Variants in FGF12 observed in about 807,000 individuals in gnomAD.
FGF12 encodes fibroblast growth factor 12.
FGF12 carries 14 observed loss-of-function variants against 23.6 expected under a neutral mutation model. The ratio of observed to expected loss-of-function variants is 0.59; its 90% confidence interval spans 0.39 to 0.93. The LOEUF is 0.93. Among genes scored for constraint, FGF12 ranks in the 40% least tolerant of loss-of-function variants. The probability of loss-of-function intolerance (pLI) is 0.00; values close to 1 mark genes in which losing one functional copy is unlikely to be tolerated. For synonymous variants in FGF12, 62 were observed against 77.3 expected (o/e 0.80, Z 1.04); for missense variants, 175 against 217.8 (o/e 0.80, Z 1.24).
At chr3:192,725,361 T>C (rs923795606) in intron 2 of FGF12, among the ~76,000 whole-genome samples, 1 of 152,026 alleles carries the variant, frequency 6.6e-6, no homozygotes, top group East Asian at 1.9e-4. Context: ...AAAGTCTTCG[T>C]TGCCTTTGGA....
intron 2 of FGF12, among the ~76,000 whole-genome samples, chr3:192,468,009 G>T (rs1328734997): frequency 6.6e-6 from 1 of 152,134 alleles, no homozygotes; most frequent in African/African-American, 2.4e-5. Flanking sequence ...CTTGGACCAG[G>T]GTTCACCAAG....
At chr3:192,485,040 T>A (rs1289576819) in intron 2 of FGF12, among the ~76,000 whole-genome samples, 2 of 148,666 alleles carry the variant, frequency 1.3e-5, no homozygotes, top group Admixed American at 6.6e-5. Flanking sequence ...ACATAAATTT[T>A]AAAATTTTAA....
chr3:192,632,558 G>C (rs1457104098), intron 2 of FGF12, among the ~76,000 whole-genome samples: 1 of 152,198 alleles, frequency 6.6e-6, no homozygotes, highest in Non-Finnish European at 1.5e-5. Flanking sequence ...CACAGTTAAT[G>C]CTCAGTAATG....
chr3:192,557,309 GA>G (rs1299697267), intron 2 of FGF12, among the ~76,000 whole-genome samples: 1 of 149,706 alleles, frequency 6.7e-6, no homozygotes, highest in African/African-American at 2.4e-5. Flanking sequence ...GCCAGAGTAT[GA>G]AAAAAACAGA....
chr3:192,615,870 A>G (rs990621832), intron 2 of FGF12, among the ~76,000 whole-genome samples: 2 of 152,030 alleles, frequency 1.3e-5, no homozygotes, highest in Non-Finnish European at 2.9e-5. Context: ...GTCAATAACC[A>G]TACTCATGTA....
intron 2 of FGF12, among the ~76,000 whole-genome samples, chr3:192,668,384 A>G (rs942273744): frequency 5.3e-5 from 8 of 152,202 alleles, no homozygotes; most frequent in African/African-American, 1.9e-4. Context: ...GGAATATTCA[A>G]TGGGGGACAA....
intron 2 of FGF12, among the ~76,000 whole-genome samples, chr3:192,611,948 C>G (rs1233072016): frequency 6.6e-6 from 1 of 152,004 alleles, no homozygotes; most frequent in Non-Finnish European, 1.5e-5. Flanking sequence ...TCTCTCTGCA[C>G]TCAAGTGAGT....
At chr3:192,388,901 G>A (rs1388245418) in intron 2 of FGF12, among the ~76,000 whole-genome samples, 1 of 151,748 alleles carries the variant, frequency 6.6e-6, no homozygotes, top group African/African-American at 2.4e-5. Flanking sequence ...AATATAAAGT[G>A]GTGCCAAAAT....
chr3:192,267,982 C>G (rs1300401444), intron 4 of FGF12, among the ~76,000 whole-genome samples: 1 of 152,118 alleles, frequency 6.6e-6, no homozygotes, highest in African/African-American at 2.4e-5. Context: ...TTGTAAGAAT[C>G]CTTTCTGTTT....
At chr3:192,367,917 G>A (rs6444635) in intron 2 of FGF12, among the ~76,000 whole-genome samples, 12,490 of 152,224 alleles carry the variant, frequency 0.082, 935 homozygotes, top group African/African-American at 0.19. Context: ...AACCCCAAAA[G>A]TGCTGATATT....
intron 4 of FGF12, among the ~76,000 whole-genome samples, chr3:192,328,355 A>G (rs142085414): frequency 2.6e-3 from 395 of 152,344 alleles, no homozygotes; most frequent in Admixed American, 7.0e-3. Flanking sequence ...ATGCGCAATG[A>G]ATGAATCCTG....
In FGF12 at chr3:192,198,117, G is replaced by T. The variant is rs1717173173; in HGVS notation, c.229-27461C>A. 3.3e-5 allele frequency among the ~76,000 whole-genome samples: 5 copies of T among 151,758 alleles called. No individual in the cohort carries two copies. The South Asian group carries it at 8.3e-4, about 25-fold the overall frequency. On this transcript the variant is annotated intron_variant, in intron 4 of 5. Coordinates refer to ENST00000445105, the MANE Select transcript of FGF12 (RefSeq NM_004113.6). ...TTTGAATAAAAGAAAGACCCCAAAG[G>T]ATCCAGAACGGTGCATCCATTCTAA...
At chr3:192,404,105 T>G (rs1290575648) in intron 2 of FGF12, among the ~76,000 whole-genome samples, 2 of 152,180 alleles carry the variant, frequency 1.3e-5, no homozygotes, top group Admixed American at 6.5e-5. Flanking sequence ...AATCTTTAAA[T>G]TGTAAAAAAA....
At chr3:192,451,276 T>A (rs1328835013) in intron 2 of FGF12, among the ~76,000 whole-genome samples, 1 of 152,204 alleles carries the variant, frequency 6.6e-6, no homozygotes, top group African/African-American at 2.4e-5. Context: ...AGAATCCAAG[T>A]CTCCTGACTT....
intron 4 of FGF12, among the ~76,000 whole-genome samples, chr3:192,230,047 C>G (rs116212093): frequency 6.6e-6 from 1 of 152,070 alleles, no homozygotes; most frequent in Non-Finnish European, 1.5e-5. Flanking sequence ...GTGGTCACAG[C>G]GCAATGGCAT....
At chr3:192,378,348 C>T (rs1478995579) in intron 2 of FGF12, among the ~76,000 whole-genome samples, 1 of 149,774 alleles carries the variant, frequency 6.7e-6, no homozygotes, top group African/African-American at 2.5e-5. Context: ...TGGGCTCATG[C>T]CATCCACCCA....
chr3:192,464,538 GTGTGTGTA>G (rs1722955308), intron 2 of FGF12, among the ~76,000 whole-genome samples: 2 of 148,510 alleles, frequency 1.3e-5, no homozygotes, highest in South Asian at 4.2e-4. Context: ...GTGTGTGTGT[GTGTGTGTA>G]TGACATTTTC....
intron 4 of FGF12, among the ~76,000 whole-genome samples, chr3:192,176,060 C>G (rs1388583248): frequency 6.6e-6 from 1 of 152,180 alleles, no homozygotes; most frequent in East Asian, 1.9e-4. Context: ...AAGATATAAA[C>G]ACCATCAAGG....
chr3:192,396,629 A>G lies in FGF12; in HGVS notation c.14-36091T>C, dbSNP rs115481453. On this transcript the variant is annotated intron_variant, in intron 2 of 5. Coordinates refer to ENST00000445105, the MANE Select transcript of FGF12 (RefSeq NM_004113.6). ...TGTTTTCCAATTCAAACCCACCAAC[A>G]CTTTTCATATATACCTTACCAGGTG... 1.7e-3 allele frequency among the ~76,000 whole-genome samples: 259 copies of G among 152,312 alleles called. 1 individual carries two copies. Among genetic ancestry groups the G allele is most frequent in the African/African-American group, 5.9e-3 (247 of 41,566 alleles).
Sources: gnomAD v4.1 joint callset for allele counts (sites outside exome capture counted in the v4.1 genomes callset) on GRCh38, gnomAD v4.1.1 for gene constraint, MANE v1.5 for transcripts, NCBI Gene and HGNC (gene_info 2026-07-23, HGNC 2026-07-21) for gene names.